The following DCDC1 variants were observed in gnomAD, a reference collection of about 807,000 sequenced individuals.
DCDC1 encodes doublecortin domain containing 1.
A neutral mutation model predicts 178.3 loss-of-function variants in DCDC1; 200 were observed. That is an observed-to-expected ratio of 1.12 (90% CI 1.00 to 1.26). The LOEUF (loss-of-function observed/expected upper bound fraction) is 1.26, where lower values mean the gene tolerates loss of function less well. Among genes scored for constraint, DCDC1 ranks in the 50% most tolerant of loss-of-function variants. DCDC1 has a pLI of 0.00. For synonymous variants in DCDC1, 690 were observed against 604.8 expected (o/e 1.14, Z -2.07); for missense variants, 1,983 against 1,749.2 (o/e 1.13, Z -2.38).
chr11:31,233,987 T>C (rs1036549462), intron 9 of DCDC1, among the ~76,000 whole-genome samples: 1 of 152,218 alleles, frequency 6.6e-6, no homozygotes, highest in Non-Finnish European at 1.5e-5. Flanking sequence ...TATTGTGCTG[T>C]ACAGTTCTAA....
chr11:30,916,762 GA>G, intron 26 of DCDC1, 107 bp downstream of exon 26: 10 of 1,235,036 alleles, frequency 8.1e-6, no homozygotes, highest in Non-Finnish European at 1.1e-5. Context: ...CATGTTGATA[GA>G]AACAGCAGCT....
intron 20 of DCDC1, among the ~76,000 whole-genome samples, chr11:30,961,214 A>G (rs1949075300): frequency 6.6e-6 from 1 of 152,142 alleles, no homozygotes; most frequent in Non-Finnish European, 1.5e-5. Context: ...ATACATAGTA[A>G]CAAAAAGATA....
At chr11:31,227,625 C>A (rs529791675) in intron 9 of DCDC1, among the ~76,000 whole-genome samples, 1 of 151,856 alleles carries the variant, frequency 6.6e-6, no homozygotes, top group Non-Finnish European at 1.5e-5. Flanking sequence ...AAATAAAACA[C>A]AAATGACAAG....
intron 2 of DCDC1, among the ~76,000 whole-genome samples, chr11:31,331,286 G>A (rs1288338577): frequency 2.6e-5 from 4 of 152,236 alleles, no homozygotes; most frequent in Admixed American, 2.6e-4. Flanking sequence ...TTTGGGCTGA[G>A]ATGGTGGAGT....
intron 2 of DCDC1, among the ~76,000 whole-genome samples, chr11:31,329,176 G>C (rs893570506): frequency 5.9e-5 from 9 of 151,924 alleles, no homozygotes; most frequent in African/African-American, 2.2e-4. Flanking sequence ...CTCCTGGATT[G>C]CTAGCTTTAA....
rs75925249 is a variant in DCDC1 at position 30,940,676 on chromosome 11, T to C, written c.2716-8724A>G. On this transcript the variant is annotated intron_variant, in intron 21 of 38. Transcript: ENST00000684477. Reference sequence around the variant, plus strand: ...AGTTTTGACAATTATATCGATTTTATTAATATTTTCAAAGAACCTAAATTT... The same window carrying C: ...AGTTTTGACAATTATATCGATTTTACTAATATTTTCAAAGAACCTAAATTT... Among the ~76,000 whole-genome samples the C allele has an allele frequency of 4.4e-4, 67 of 152,286 alleles. No homozygotes were observed. The East Asian group carries it at 0.012, about 28-fold the overall frequency.
intron 10 of DCDC1, among the ~76,000 whole-genome samples, chr11:31,134,079 T>G (rs1251148269): frequency 2.0e-5 from 3 of 152,168 alleles, no homozygotes; most frequent in African/African-American, 7.2e-5. Flanking sequence ...ATCTAACCTA[T>G]TTTCAGCCAG....
intron 20 of DCDC1, among the ~76,000 whole-genome samples, chr11:31,026,363 T>C (rs1439243499): frequency 6.6e-6 from 1 of 151,810 alleles, no homozygotes; most frequent in Admixed American, 6.6e-5. Flanking sequence ...AATTTGAGTC[T>C]AACATAACAG....
At chr11:31,272,387 T>A (rs1565528824) in intron 7 of DCDC1, among the ~76,000 whole-genome samples, 1 of 152,160 alleles carries the variant, frequency 6.6e-6, no homozygotes, top group Non-Finnish European at 1.5e-5. Context: ...TTGAAACCAA[T>A]CATGCCTTCC....
chr11:30,902,291 C>T (rs1226921894), intron 32 of DCDC1, among the ~76,000 whole-genome samples: 1 of 152,158 alleles, frequency 6.6e-6, no homozygotes, highest in Non-Finnish European at 1.5e-5. Flanking sequence ...CTGTTTTCCA[C>T]TGTGTGAGGA....
chr11:31,339,890 T>C (rs1214224976), intron 1 of DCDC1, among the ~76,000 whole-genome samples: 1 of 152,154 alleles, frequency 6.6e-6, no homozygotes, highest in Non-Finnish European at 1.5e-5. Flanking sequence ...CACCTATCTA[T>C]ATTTAAATAG....
intron 6 of DCDC1, among the ~76,000 whole-genome samples, chr11:31,295,564 G>A (rs987745320): frequency 6.6e-6 from 1 of 152,150 alleles, no homozygotes; most frequent in African/African-American, 2.4e-5. Flanking sequence ...GCCAATGATT[G>A]ACTGATTCTG....
intron 20 of DCDC1, among the ~76,000 whole-genome samples, chr11:30,973,658 C>G (rs1027421468): frequency 2.0e-5 from 3 of 152,088 alleles, no homozygotes; most frequent in Non-Finnish European, 4.4e-5. Flanking sequence ...CAAAGAAAGT[C>G]ATTATATAAT....
rs186230000 is a variant in DCDC1 at position 31,151,848 on chromosome 11, T to G, written c.1222-14064A>C. ...CAATAGTTATCGAAAGGTACAAAGGTCAAAAGGTACAAAGTTTCCATTAGA... is the reference window on the plus strand; with the variant it reads ...CAATAGTTATCGAAAGGTACAAAGGGCAAAAGGTACAAAGTTTCCATTAGA... On this transcript the variant is annotated intron_variant, in intron 9 of 38. Transcript: ENST00000684477. Among the ~76,000 whole-genome samples the G allele has an allele frequency of 3.7e-3, 559 of 152,198 alleles. 5 individuals carry two copies. Among genetic ancestry groups the G allele is most frequent in the African/African-American group, 0.013 (538 of 41,524 alleles).
At chr11:30,956,612 T>C (rs986470721) in intron 20 of DCDC1, among the ~76,000 whole-genome samples, 1 of 152,134 alleles carries the variant, frequency 6.6e-6, no homozygotes, top group Admixed American at 6.5e-5. Context: ...TATTATAATA[T>C]ATATTACTTT....
intron 31 of DCDC1, chr11:30,904,405 T>C (rs529911853): frequency 1.3e-5 from 2 of 158,048 alleles, no homozygotes; most frequent in East Asian, 3.7e-4. Context: ...AATCACCAAG[T>C]AGTGCAAGGA....
At chr11:31,254,623 A>G (rs1944292001) in intron 8 of DCDC1, among the ~76,000 whole-genome samples, 1 of 152,144 alleles carries the variant, frequency 6.6e-6, no homozygotes, top group African/African-American at 2.4e-5. Flanking sequence ...ATAAGCATTC[A>G]CTTAGCTCAT....
rs200252047 is a variant in DCDC1, at chr11:31,165,825, C to A, written c.1222-28041G>T. The stretch of plus-strand genomic sequence containing the variant: ...AGTGCCCTTTAAAATAATTTGGGTT[C>A]TGCATGTAAAAATCTCTATAACAAG... On this transcript the variant is annotated intron_variant, in intron 9 of 38. Transcript: ENST00000684477. Among the ~76,000 whole-genome samples, 3 of 152,106 alleles carry A rather than the reference C, an allele frequency of 2.0e-5. No individual in the cohort carries two copies. The East Asian group carries it at 5.8e-4, about 29-fold the overall frequency.
intron 9 of DCDC1, among the ~76,000 whole-genome samples, chr11:31,143,980 A>T (rs186545877): frequency 3.9e-5 from 6 of 152,330 alleles, no homozygotes; most frequent in Admixed American, 2.6e-4. Flanking sequence ...GAAGGTATAA[A>T]AGAAACCACC....
Sources: allele counts gnomAD v4.1 joint callset (sites outside exome capture counted in the v4.1 genomes callset), GRCh38; gene constraint gnomAD v4.1.1; transcripts MANE v1.5; gene names NCBI Gene and HGNC (gene_info 2026-07-23, HGNC 2026-07-21).